The following CNTN4 variants were observed in gnomAD, a reference collection of about 807,000 sequenced individuals.
CNTN4 encodes the protein contactin 4.
In CNTN4, 77 loss-of-function variants were observed where a neutral mutation model predicts 122.5. That is an observed-to-expected ratio of 0.63 (90% CI 0.52 to 0.76). The LOEUF (loss-of-function observed/expected upper bound fraction) is 0.76. Ranked by LOEUF, CNTN4 falls within the 30% of genes least tolerant of loss-of-function variation. The pLI is 0.00. For synonymous variants in CNTN4, 512 were observed against 447.0 expected, an observed-to-expected ratio of 1.15 and a Z score of -1.83; for missense variants, 1,256 against 1,259.1, an observed-to-expected ratio of 1.00 and a Z score of 0.04.
At position 2,705,675 on chromosome 3, in the gene CNTN4, T is replaced by C. The variant is rs1331710493; in HGVS notation, c.56-30540T>C. On this transcript the variant is annotated intron_variant, in intron 4 of 24. Coordinates refer to ENST00000418658, the MANE Select transcript of CNTN4 (RefSeq NM_175607.3). ...AAGTATATTATATATATTTATATATTGTATATTATATATAAATAAATATAT... is the reference window on the plus strand; with the variant it reads ...AAGTATATTATATATATTTATATATCGTATATTATATATAAATAAATATAT... 6.7e-5 allele frequency among the ~76,000 whole-genome samples: 6 copies of C among 90,148 alleles called. No individual in the cohort carries two copies. In the East Asian group the frequency reaches 1.1e-3, roughly 16 times the overall value. 59.1% of individuals were successfully genotyped at this position (90,148 alleles called of 152,430 possible). A position where few individuals can be genotyped will look rare whatever the true frequency, so the allele number is the denominator to read the frequency against.
intron 2 of CNTN4, among the ~76,000 whole-genome samples, chr3:2,211,651 T>C (rs2038623188): frequency 1.3e-5 from 2 of 152,216 alleles, no homozygotes; most frequent in Non-Finnish European, 2.9e-5. Flanking sequence ...ATTTAGTGAA[T>C]TCCTCACATT....
chr3:2,757,213 G>A (rs558432721), intron 6 of CNTN4, among the ~76,000 whole-genome samples: 1 of 152,064 alleles, frequency 6.6e-6, no homozygotes, highest in Non-Finnish European at 1.5e-5. Context: ...TAATGAAATG[G>A]GGACTGCAAA....
rs867090715 is a variant in CNTN4 at position 2,944,294 on chromosome 3, C to G, written c.1358+18515C>G. On this transcript the variant is annotated intron_variant, in intron 13 of 24. Transcript: ENST00000418658. Reference sequence around the variant, plus strand: ...TAACTAGAGCATAAATTTTTTTTACCATTTCATTCTCGGAAGCACAATAGC... The same window carrying G: ...TAACTAGAGCATAAATTTTTTTTACGATTTCATTCTCGGAAGCACAATAGC... Among the ~76,000 whole-genome samples the G allele has an allele frequency of 5.9e-5, 9 of 151,708 alleles. No individual in the cohort carries two copies. The Middle Eastern group carries it at 0.014, about 229-fold the overall frequency.
At chr3:2,747,611 A>AAAAAC (rs904636419) in intron 6 of CNTN4, among the ~76,000 whole-genome samples, 2 of 152,190 alleles carry the variant, frequency 1.3e-5, no homozygotes, top group Non-Finnish European at 2.9e-5. Flanking sequence ...AACCAAAACA[A>AAAAAC]AAAACAAAAC....
At chr3:2,937,867 C>T (rs1481252105) in intron 13 of CNTN4, among the ~76,000 whole-genome samples, 1 of 151,844 alleles carries the variant, frequency 6.6e-6, no homozygotes, top group Non-Finnish European at 1.5e-5. Context: ...GGAGAAGTCT[C>T]CATGCTGGAG....
rs760804426 is a variant in CNTN4, at chr3:2,883,255, C to A, written c.755+8C>A. On this transcript the variant is annotated splice_region_variant and intron_variant, in intron 9 of 24. Coordinates refer to ENST00000418658, the MANE Select transcript of CNTN4 (RefSeq NM_175607.3). ...ATGCTTTGCTTTAGGAAAGTAAGTT[C>A]TGGTTTGCGTTCCTTCTCATCCTCC... 2.5e-5 allele frequency: 40 copies of A among 1,605,574 alleles called. No homozygotes were observed. Among genetic ancestry groups the A allele is most frequent in the Middle Eastern group, 1.7e-4 (1 of 6,050 alleles).
At chr3:2,467,693 A>G (rs2075552625) in intron 3 of CNTN4, among the ~76,000 whole-genome samples, 1 of 152,146 alleles carries the variant, frequency 6.6e-6, no homozygotes, top group African/African-American at 2.4e-5. Context: ...ATTATCAGTA[A>G]TTAATTAATT....
At chr3:2,724,698 T>A (rs114120014) in intron 4 of CNTN4, among the ~76,000 whole-genome samples, 5,459 of 152,290 alleles carry the variant, frequency 0.036, 140 homozygotes, top group Non-Finnish European at 0.055. Context: ...AAGTACTGCC[T>A]GCAGGCATTC....
At chr3:2,224,604 G>T (rs1202596308) in intron 2 of CNTN4, among the ~76,000 whole-genome samples, 1 of 152,198 alleles carries the variant, frequency 6.6e-6, no homozygotes, top group African/African-American at 2.4e-5. Context: ...GAATCTCTGA[G>T]TAGAGGTCTG....
chr3:2,593,557 G>C (rs1284518829), intron 4 of CNTN4, among the ~76,000 whole-genome samples: 3 of 152,096 alleles, frequency 2.0e-5, no homozygotes, highest in African/African-American at 7.2e-5. Context: ...ACAACTATTT[G>C]TTTGATCTTG....
intron 11 of CNTN4, among the ~76,000 whole-genome samples, chr3:2,901,798 G>C (rs2094176858): frequency 6.6e-6 from 1 of 152,126 alleles, no homozygotes; most frequent in Non-Finnish European, 1.5e-5. Context: ...TATGTAGCTG[G>C]GGAAGGGATG....
intron 6 of CNTN4, among the ~76,000 whole-genome samples, chr3:2,781,952 T>C (rs1018277742): frequency 3.3e-4 from 49 of 149,548 alleles, no homozygotes; most frequent in African/African-American, 1.2e-3. Context: ...CTCGATCTCC[T>C]GACCTCGTGA....
chr3:2,851,485 A>G (rs1285271042), intron 7 of CNTN4, among the ~76,000 whole-genome samples: 1 of 152,184 alleles, frequency 6.6e-6, no homozygotes, highest in Non-Finnish European at 1.5e-5. Context: ...GGCATTCTCA[A>G]AACCCTAACA....
At chr3:2,273,209 G>A (rs1000248212) in intron 2 of CNTN4, among the ~76,000 whole-genome samples, 1 of 152,116 alleles carries the variant, frequency 6.6e-6, no homozygotes, top group African/African-American at 2.4e-5. Flanking sequence ...TAAATTATCT[G>A]CAAGATTATT....
chr3:2,675,104 G>A (rs1454816370), intron 4 of CNTN4, among the ~76,000 whole-genome samples: 1 of 151,554 alleles, frequency 6.6e-6, no homozygotes, highest in Non-Finnish European at 1.5e-5. Context: ...ATCAGCAGTG[G>A]AGAGACAGTC....
At chr3:2,493,003 T>C (rs1404839497) in intron 3 of CNTN4, among the ~76,000 whole-genome samples, 1 of 152,206 alleles carries the variant, frequency 6.6e-6, no homozygotes, top group Non-Finnish European at 1.5e-5. Flanking sequence ...TTTTATTGAT[T>C]GAATATTTTA....
intron 3 of CNTN4, among the ~76,000 whole-genome samples, chr3:2,421,106 T>C (rs1311862376): frequency 6.6e-6 from 1 of 152,130 alleles, no homozygotes; most frequent in Non-Finnish European, 1.5e-5. Flanking sequence ...AGTCCTTGCT[T>C]CAGGTACATT....
chr3:2,960,333 T>G (rs1485249113), intron 13 of CNTN4, among the ~76,000 whole-genome samples: 1 of 152,210 alleles, frequency 6.6e-6, no homozygotes, highest in Non-Finnish European at 1.5e-5. Context: ...ATATTTCTCA[T>G]GTCTATAGGT....
chr3:2,526,691 A>T (rs1372239752), intron 3 of CNTN4, among the ~76,000 whole-genome samples: 2 of 152,112 alleles, frequency 1.3e-5, no homozygotes, highest in Non-Finnish European at 2.9e-5. Context: ...TCTTATATTC[A>T]TGAAATATAC....
Sources: allele counts gnomAD v4.1 joint callset (sites outside exome capture counted in the v4.1 genomes callset), GRCh38; gene constraint gnomAD v4.1.1; transcripts MANE v1.5; gene names NCBI Gene and HGNC (gene_info 2026-07-23, HGNC 2026-07-21).